Variants in AGPAT4 observed in about 807,000 individuals in gnomAD.
AGPAT4 encodes 1-acyl-sn-glycerol-3-phosphate acyltransferase delta.
In AGPAT4, 15 loss-of-function variants were observed where a neutral mutation model predicts 48.0. That is an observed-to-expected ratio of 0.31 (90% CI 0.21 to 0.48). The LOEUF is 0.48. Among genes scored for constraint, AGPAT4 ranks in the 20% least tolerant of loss-of-function variants. The pLI is 0.99. For missense variants in AGPAT4, 314 were observed against 482.5 expected (o/e 0.65, Z 3.27); for synonymous variants, 178 against 198.7 (o/e 0.90, Z 0.88).
rs79443022 is a variant in AGPAT4, at chr6:161,161,448, G to C, written c.348+4800C>G. On this transcript the variant is annotated intron_variant, in intron 3 of 8. Coordinates refer to ENST00000320285, the MANE Select transcript of AGPAT4 (RefSeq NM_020133.3). The surrounding 1 kb of genome is among the most constrained non-coding windows in gnomAD (Gnocchi z 4.6). ...AACCCAGTGAATGGTAAGAGGCAGAGGGTGGCGTCCCAGCCCATTCCTAGT... is the reference window on the plus strand; with the variant it reads ...AACCCAGTGAATGGTAAGAGGCAGACGGTGGCGTCCCAGCCCATTCCTAGT... The C allele has an allele frequency of 5.5e-5, 25 of 456,716 alleles. No homozygotes were observed. Among genetic ancestry groups the C allele is most frequent in the Non-Finnish European group, 7.9e-5 (18 of 226,972 alleles). 28.3% of individuals were successfully genotyped at this position (456,716 alleles called of 1,614,324 possible).
chr6:161,179,579 T>TG (rs982391843), intron 2 of AGPAT4, among the ~76,000 whole-genome samples: 3 of 152,190 alleles, frequency 2.0e-5, no homozygotes, highest in Non-Finnish European at 4.4e-5. Context: ...ATTTGACCTT[T>TG]GAACAACATG....
rs570025199 is a variant in AGPAT4, at chr6:161,272,117, G to C, written c.-90+1821C>G. Among the ~76,000 whole-genome samples, 1 of 152,054 alleles carries C rather than the reference G, an allele frequency of 6.6e-6. No individual in the cohort carries two copies. The highest frequency in any genetic ancestry group is 1.9e-4 in the East Asian group (1 of 5,204). On this transcript the variant is annotated intron_variant, in intron 1 of 8. Coordinates refer to ENST00000320285, the MANE Select transcript of AGPAT4 (RefSeq NM_020133.3). The surrounding 1 kb of genome is among the most constrained non-coding windows in gnomAD (Gnocchi z 4.2). ...GCCATGCTATTTTGCCCCATTTTCA[G>C]GTAACTTTTCTACCTGAATTACTTA...
In AGPAT4 at chr6:161,231,988, A is replaced by C. The variant is rs1371460312; in HGVS notation, c.178+48T>G. 6.4e-7 allele frequency: 1 copy of C among 1,565,148 alleles called. No homozygotes were observed. The highest frequency in any genetic ancestry group is 2.3e-5 in the East Asian group (1 of 44,420). On this transcript the variant is annotated intron_variant, in intron 2 of 8. Transcript: ENST00000320285. The surrounding 1 kb of genome is among the most constrained non-coding windows in gnomAD (Gnocchi z 5.3). ...CCATATCAAGAGCCATAATTCTGATACACACATCCACAATGGAGACGAAAA... is the reference window on the plus strand; with the variant it reads ...CCATATCAAGAGCCATAATTCTGATCCACACATCCACAATGGAGACGAAAA...
chr6:161,179,176 G>A (rs1025233220), intron 2 of AGPAT4, among the ~76,000 whole-genome samples: 3 of 152,176 alleles, frequency 2.0e-5, no homozygotes, highest in African/African-American at 4.8e-5. Context: ...GTTACTAATA[G>A]GAAAAAGATG....
intron 2 of AGPAT4, among the ~76,000 whole-genome samples, chr6:161,228,149 G>A (rs1782031783): frequency 6.6e-6 from 1 of 152,162 alleles, no homozygotes; most frequent in Admixed American, 6.5e-5. Context: ...AATTTCTAAA[G>A]CACTTTCAGA....
chr6:161,186,930 C>CA (rs1452851649), intron 2 of AGPAT4, among the ~76,000 whole-genome samples: 1 of 152,232 alleles, frequency 6.6e-6, no homozygotes, highest in Non-Finnish European at 1.5e-5. Context: ...ACTTGCCCCT[C>CA]ACCTCCCTTA....
chr6:161,151,394 C>A (rs1033357193), intron 5 of AGPAT4, among the ~76,000 whole-genome samples: 7 of 152,234 alleles, frequency 4.6e-5, no homozygotes, highest in Admixed American at 2.0e-4. Flanking sequence ...CCGTGATGAA[C>A]AGCATAGAGC....
At position 161,216,513 on chromosome 6, in the gene AGPAT4, G is replaced by C. The variant is rs1256078777; in HGVS notation, c.178+15523C>G. The stretch of plus-strand genomic sequence containing the variant: ...GCTCCACTGTGGAAACCAAAATGCT[G>C]GGGCAGCATCAGCCCCGACGCCCCA... On this transcript the variant is annotated intron_variant, in intron 2 of 8. Coordinates refer to ENST00000320285, the MANE Select transcript of AGPAT4 (RefSeq NM_020133.3). The surrounding 1 kb of genome is among the most constrained non-coding windows in gnomAD (Gnocchi z 4.8). Among the ~76,000 whole-genome samples, 2 of 152,176 alleles carry C rather than the reference G, an allele frequency of 1.3e-5. No homozygotes were observed. The highest frequency in any genetic ancestry group is 1.9e-4 in the East Asian group (1 of 5,168).
rs558845835 is a variant in AGPAT4, at chr6:161,144,587, T to G, written c.843+1937A>C. Among the ~76,000 whole-genome samples the G allele has an allele frequency of 2.2e-3, 332 of 152,248 alleles. 2 individuals are homozygous for G. The highest frequency in any genetic ancestry group is 4.1e-3 in the Non-Finnish European group (282 of 67,990). ...AAAAATCTCCTTTGCCTTGATGGGC[T>G]TGAGGGCCCACGTTTATTGTAGATT... On this transcript the variant is annotated intron_variant, in intron 7 of 8. Transcript: ENST00000320285. The surrounding 1 kb of genome is among the most constrained non-coding windows in gnomAD (Gnocchi z 6.6).
intron 2 of AGPAT4, among the ~76,000 whole-genome samples, chr6:161,228,438 T>C (rs1430218165): frequency 2.6e-5 from 4 of 152,136 alleles, no homozygotes; most frequent in African/African-American, 7.2e-5. Flanking sequence ...TCATAGAGCC[T>C]GTTCACAGCA....
rs1780457440 is a variant in AGPAT4 at position 161,177,399 on chromosome 6, C to T, written c.179-10982G>A. Among the ~76,000 whole-genome samples the T allele has an allele frequency of 1.3e-5, 2 of 152,198 alleles. No individual in the cohort carries two copies. The highest frequency in any genetic ancestry group is 6.5e-5 in the Admixed American group (1 of 15,278). On this transcript the variant is annotated intron_variant, in intron 2 of 8. Coordinates refer to ENST00000320285, the MANE Select transcript of AGPAT4 (RefSeq NM_020133.3). The surrounding 1 kb of genome is among the most constrained non-coding windows in gnomAD (Gnocchi z 5.0). The stretch of plus-strand genomic sequence containing the variant: ...CGCTTCATTTCATTAATTTGATCTT[C>T]AATCACTGATATCGTTTCTTCCACT...
rs184711813 is a variant in AGPAT4 at position 161,246,535 on chromosome 6, G to T, written c.-89-14233C>A. On this transcript the variant is annotated intron_variant, in intron 1 of 8. Transcript: ENST00000320285. This position sits in a 1 kb window ranked among gnomAD's most constrained non-coding sequence, Gnocchi z 5.5. ...AGCGATTCTCCTGCCTCAGCCTCCC[G>T]AGTAGCTGGGATTACAGGCATGCGC... 2.0e-4 allele frequency among the ~76,000 whole-genome samples: 30 copies of T among 151,986 alleles called. No homozygotes were observed. The highest frequency in any genetic ancestry group is 7.0e-4 in the African/African-American group (29 of 41,462).
intron 5 of AGPAT4, 111 bp downstream of exon 5, chr6:161,153,235 G>T: frequency 7.1e-7 from 1 of 1,412,834 alleles, no homozygotes; most frequent in African/African-American, 1.4e-5. Flanking sequence ...TGAGCTCCTA[G>T]CCTCAAGTCA....
chr6:161,231,918 A>G lies in AGPAT4; in HGVS notation c.178+118T>C, dbSNP rs1394092886. On this transcript the variant is annotated intron_variant, in intron 2 of 8. Transcript: ENST00000320285. This position sits in a 1 kb window ranked among gnomAD's most constrained non-coding sequence, Gnocchi z 5.3. ...TAGCCATTTCAAACCTAAAACAAAA[A>G]CAAAACAAAAAAACAGCTCGGCACA... 2 of 1,071,000 alleles carry G rather than the reference A, an allele frequency of 1.9e-6. No homozygotes were observed. The highest frequency in any genetic ancestry group is 2.6e-6 in the Non-Finnish European group (2 of 782,876). 66.3% of individuals were successfully genotyped at this position (1,071,000 alleles called of 1,614,324 possible).
At position 161,189,019 on chromosome 6, in the gene AGPAT4, C is replaced by T. The variant is rs553281121; in HGVS notation, c.179-22602G>A. Among the ~76,000 whole-genome samples the T allele has an allele frequency of 3.3e-5, 5 of 152,304 alleles. No homozygotes were observed. The highest frequency in any genetic ancestry group is 9.6e-5 in the African/African-American group (4 of 41,546). The stretch of plus-strand genomic sequence containing the variant: ...TTGCTGGCCTCGTGCACGTGCAGAA[C>T]ACGTGTTTCTTAGAATCTTAGTAAT... On this transcript the variant is annotated intron_variant, in intron 2 of 8. Transcript: ENST00000320285. This position sits in a 1 kb window ranked among gnomAD's most constrained non-coding sequence, Gnocchi z 5.3.
rs532249184 is a variant in AGPAT4 at position 161,223,651 on chromosome 6, A to T, written c.178+8385T>A. 1.2e-4 allele frequency among the ~76,000 whole-genome samples: 18 copies of T among 152,350 alleles called. No individual in the cohort carries two copies. Among genetic ancestry groups the T allele is most frequent in the African/African-American group, 4.3e-4 (18 of 41,590 alleles). Reference sequence around the variant, plus strand: ...GAGTATGCTTCTCTTTTTATTCCATAGCCCCGTGGAGTGGCACCTCAGAGG... The same window carrying T: ...GAGTATGCTTCTCTTTTTATTCCATTGCCCCGTGGAGTGGCACCTCAGAGG... On this transcript the variant is annotated intron_variant, in intron 2 of 8. Transcript: ENST00000320285. This position sits in a 1 kb window ranked among gnomAD's most constrained non-coding sequence, Gnocchi z 6.3.
In AGPAT4 at chr6:161,272,094, C is replaced by A. The variant is rs1783441565; in HGVS notation, c.-90+1844G>T. Among the ~76,000 whole-genome samples the A allele has an allele frequency of 6.6e-6, 1 of 152,126 alleles. No homozygotes were observed. The highest frequency in any genetic ancestry group is 1.5e-5 in the Non-Finnish European group (1 of 68,034). The stretch of plus-strand genomic sequence containing the variant: ...CATGTGGCTCTGGTTTGTTTTGTGC[C>A]ATGCTATTTTGCCCCATTTTCAGGT... On this transcript the variant is annotated intron_variant, in intron 1 of 8. Coordinates refer to ENST00000320285, the MANE Select transcript of AGPAT4 (RefSeq NM_020133.3). This position sits in a 1 kb window ranked among gnomAD's most constrained non-coding sequence, Gnocchi z 4.2.
rs1780256630 is a variant in AGPAT4, at chr6:161,171,107, C to T, written c.179-4690G>A. Among the ~76,000 whole-genome samples the T allele has an allele frequency of 6.6e-6, 1 of 152,340 alleles. No individual in the cohort carries two copies. Among genetic ancestry groups the T allele is most frequent in the Middle Eastern group, 3.4e-3 (1 of 294 alleles). On this transcript the variant is annotated intron_variant, in intron 2 of 8. Transcript: ENST00000320285. The surrounding 1 kb of genome is among the most constrained non-coding windows in gnomAD (Gnocchi z 4.4). ...CAGCAGGTGCTGCACAACAGAGATG[C>T]TTGTGAGAAAGCAGGGCTTTCTGTT...
chr6:161,174,947 T>C (rs1472604114), intron 2 of AGPAT4, among the ~76,000 whole-genome samples: 2 of 152,158 alleles, frequency 1.3e-5, no homozygotes, highest in African/African-American at 4.8e-5. Flanking sequence ...GATGGATTTA[T>C]GTTTATTGAT....
Sources: allele counts gnomAD v4.1 joint callset (sites outside exome capture counted in the v4.1 genomes callset), GRCh38; gene constraint gnomAD v4.1.1; non-coding constraint Gnocchi (gnomAD v3.1); transcripts MANE v1.5; gene names NCBI Gene and HGNC (gene_info 2026-07-23, HGNC 2026-07-21).